The following UNC93A variants were observed in gnomAD, a reference collection of about 807,000 sequenced individuals.
UNC93A encodes unc-93 homolog A, also known as N-acetylglucosamine transporter UNC93A.
UNC93A carries 43 observed loss-of-function variants against 47.5 expected under a neutral mutation model. That is an observed-to-expected ratio of 0.91 (90% CI 0.71 to 1.17). The LOEUF is 1.17. Ranked by LOEUF, UNC93A falls within the 50% of genes most tolerant of loss-of-function variation. The pLI, the probability that UNC93A is intolerant of heterozygous loss-of-function variation, is 0.00. For missense variants in UNC93A, 605 were observed against 577.6 expected (o/e 1.05, Z -0.49); for synonymous variants, 280 against 258.0 (o/e 1.09, Z -0.82).
At chr6:167,292,261 C>G (rs949291374) in intron 1 of UNC93A, among the ~76,000 whole-genome samples, 1 of 152,150 alleles carries the variant, frequency 6.6e-6, no homozygotes, top group Non-Finnish European at 1.5e-5. Flanking sequence ...TGTTACTCCC[C>G]CGGCTTATTC....
Position 167,294,527 on chromosome 6 carries a change from A to C in UNC93A, c.98A>C (p.Tyr33Ser). The C allele has an allele frequency of 1.2e-6, 2 of 1,614,030 alleles. No homozygotes were observed. Among genetic ancestry groups the C allele is most frequent in the Non-Finnish European group, 1.7e-6 (2 of 1,179,984 alleles). ...GCTTTGTTCCCACAGAGCAGCCTGT[A>C]CAGCGAGGAGGGCCTGGGTGTCACA... ...GGLQSLQSSL[Y>S]SEEGLGVTAL... The change falls in exon 2 of 8, where the codon TAC (tyrosine) becomes TCC (serine). Residue 33 changes from tyrosine to serine, a missense_variant. Physicochemically the swap from Tyr to Ser is moderately radical, Grantham distance 144. Coordinates refer to ENST00000230256, the MANE Select transcript of UNC93A (RefSeq NM_018974.4).
At chr6:167,297,147 C>T (rs538527213) in intron 3 of UNC93A, among the ~76,000 whole-genome samples, 26 of 152,294 alleles carry the variant, frequency 1.7e-4, no homozygotes, top group Middle Eastern at 3.4e-3. Context: ...CTGCATATCA[C>T]GGCCAGTGAA....
Position 167,315,268 on chromosome 6 carries a change from T to C in UNC93A, c.1190T>C (p.Ile397Thr). ...CTGTGGGAGGCCCTGGGCTTCGTCA[T>C]TGCCTTCGGGTACAGCATGTTTTTG... ...YRLWEALGFVIAFGYSMFLCV... is the reference protein window; with the variant it reads ...YRLWEALGFVTAFGYSMFLCV... Residue 397 changes from isoleucine (I) to threonine (T), a missense_variant, in exon 8 of 8, where the codon ATT becomes ACT. Transcript: ENST00000230256. 1.2e-6 allele frequency: 2 copies of C among 1,613,744 alleles called. No homozygotes were observed. Among genetic ancestry groups the C allele is most frequent in the East Asian group, 2.2e-5 (1 of 44,840 alleles).
chr6:167,286,707 G>C (rs551188773), upstream of UNC93A, among the ~76,000 whole-genome samples: 310 of 152,284 alleles, frequency 2.0e-3, 4 homozygotes, highest in South Asian at 0.015. Flanking sequence ...GCCGGGTGCT[G>C]TGGCTCAAGT....
At chr6:167,306,183 C>A in intron 6 of UNC93A, 133 bp downstream of exon 6, 2 of 1,242,386 alleles carry the variant, frequency 1.6e-6, no homozygotes, top group Non-Finnish European at 1.1e-6. Context: ...CTGTAAGATG[C>A]ATTCATTCTT....
chr6:167,297,999 C>T lies in UNC93A; in HGVS notation c.554C>T (p.Ala185Val). 1 of 1,614,098 alleles carries T rather than the reference C, an allele frequency of 6.2e-7. No homozygotes were observed. The highest frequency in any genetic ancestry group is 8.5e-7 in the Non-Finnish European group (1 of 1,180,022). The part of the protein sequence containing the change: ...TSCGASDCLM[A>V]TTTTNSTQRP... ...TGTGGGGCCAGTGACTGCCTGATGG[C>T]CACCACAACCACCAACAGCACCCAG... The change falls in exon 4 of 8, where the codon GCC (alanine) becomes GTC (valine). Residue 185 changes from alanine (A) to valine (V), a missense_variant. Ala to Val is a moderately conservative substitution (Grantham distance 64). Transcript: ENST00000230256.
rs572344174 is a variant in UNC93A, at chr6:167,292,583, A to T, written c.87+1007A>T. 2.0e-5 allele frequency among the ~76,000 whole-genome samples: 3 copies of T among 152,274 alleles called. No homozygotes were observed. The East Asian group carries it at 5.8e-4, about 29-fold the overall frequency. ...GTTCTATTTCTGATCAGGCTTACAGAGGATAAAATGGCAGCCAACAGTGAC... is the reference window on the plus strand; with the variant it reads ...GTTCTATTTCTGATCAGGCTTACAGTGGATAAAATGGCAGCCAACAGTGAC... On this transcript the variant is annotated intron_variant, in intron 1 of 7. Coordinates refer to ENST00000230256, the MANE Select transcript of UNC93A (RefSeq NM_018974.4).
At chr6:167,282,206 G>A (rs1783645548) in intron 1 of UNC93A, among the ~76,000 whole-genome samples, 1 of 152,110 alleles carries the variant, frequency 6.6e-6, no homozygotes, top group African/African-American at 2.4e-5. Flanking sequence ...CAGCTGACCA[G>A]GAAACATTTT....
chr6:167,315,315 A>G lies in UNC93A; in HGVS notation c.1237A>G (p.Ile413Val), dbSNP rs1255914036. The change falls in exon 8 of 8, where the codon ATT becomes GTT. Residue 413 changes from isoleucine to valine, a missense_variant. Ile to Val is a conservative substitution (Grantham distance 29). Coordinates refer to ENST00000230256, the MANE Select transcript of UNC93A (RefSeq NM_018974.4). ...MFLCVHVKLYILLGVLSLTMV... is the reference protein window; with the variant it reads ...MFLCVHVKLYVLLGVLSLTMV... Reference sequence around the variant, plus strand: ...TTTGTGCGTGCACGTCAAGCTCTACATTCTGCTGGGGGTCCTGAGCCTGAC... The same window carrying G: ...TTTGTGCGTGCACGTCAAGCTCTACGTTCTGCTGGGGGTCCTGAGCCTGAC... 3.1e-6 allele frequency: 5 copies of G among 1,613,888 alleles called. No homozygotes were observed. The highest frequency in any genetic ancestry group is 1.3e-5 in the African/African-American group (1 of 74,984).
chr6:167,295,745 C>G (rs66559683), intron 2 of UNC93A, among the ~76,000 whole-genome samples: 9,703 of 122,372 alleles, frequency 0.079, 1,013 homozygotes, highest in East Asian at 0.22. Flanking sequence ...CTCCTCGCCT[C>G]CCTCGTGCTC....
At chr6:167,275,615 A>G (rs1382073257) in intron 1 of UNC93A, among the ~76,000 whole-genome samples, 1 of 152,236 alleles carries the variant, frequency 6.6e-6, no homozygotes, top group Non-Finnish European at 1.5e-5. Context: ...ACACCTGTGC[A>G]GCATCAGGCA....
chr6:167,291,544 T>G lies in UNC93A; in HGVS notation c.55T>G (p.Phe19Val). 6.2e-7 allele frequency: 1 copy of G among 1,613,796 alleles called. No individual in the cohort carries two copies. The highest frequency in any genetic ancestry group is 1.7e-4 in the Middle Eastern group (1 of 6,060). Residue 19 changes from phenylalanine (F) to valine (V), a missense_variant, in exon 1 of 8, where the codon TTT (phenylalanine) becomes GTT (valine). Physicochemically the swap from Phe to Val is conservative, Grantham distance 50. Transcript: ENST00000230256. ...LVVSFGFLLLFTAYGGLQSLQ... is the reference protein window; with the variant it reads ...LVVSFGFLLLVTAYGGLQSLQ... ...GGTTTCCTTTGGGTTCCTGCTTCTCTTTACAGCCTATGGAGGTCTGCAGAG... is the reference window on the plus strand; with the variant it reads ...GGTTTCCTTTGGGTTCCTGCTTCTCGTTACAGCCTATGGAGGTCTGCAGAG...
rs370480270 is a variant in UNC93A, at chr6:167,306,024, C to T, written c.950C>T (p.Thr317Met). Residue 317 changes from threonine (T) to methionine (M), a missense_variant, in exon 6 of 8, where the codon ACG becomes ATG. Coordinates refer to ENST00000230256, the MANE Select transcript of UNC93A (RefSeq NM_018974.4). ...TTGTATGGAAAGGTCTCGCAGTACA[C>T]GGGCAGGGCTGTGCTGTACGTGCTG... Reference protein sequence around the residue: ...SVLYGKVSQYTGRAVLYVLGA... With the variant: ...SVLYGKVSQYMGRAVLYVLGA... 5.1e-5 allele frequency: 82 copies of T among 1,614,080 alleles called. No individual in the cohort carries two copies. The highest frequency in any genetic ancestry group is 6.4e-5 in the Non-Finnish European group (75 of 1,180,044).
chr6:167,295,097 C>T (rs563029230), intron 2 of UNC93A, among the ~76,000 whole-genome samples: 19 of 152,184 alleles, frequency 1.2e-4, no homozygotes, highest in Non-Finnish European at 2.6e-4. Flanking sequence ...CCTCGCCCAC[C>T]ATTAGGAGGT....
chr6:167,285,538 G>A (rs1232585948), intron 1 of UNC93A, among the ~76,000 whole-genome samples: 3 of 151,740 alleles, frequency 2.0e-5, no homozygotes, highest in Non-Finnish European at 4.4e-5. Flanking sequence ...TGGGGCTGGC[G>A]GGGATGAGAG....
At chr6:167,270,478 A>G (rs1783434047), upstream of UNC93A, among the ~76,000 whole-genome samples, 1 of 152,004 alleles carries the variant, frequency 6.6e-6, no homozygotes, top group African/African-American at 2.4e-5. Context: ...CACGAAGGAC[A>G]TGGGGGGTTA....
chr6:167,272,403 A>T, intron 1 of UNC93A, among the ~76,000 whole-genome samples: 1 of 152,228 alleles, frequency 6.6e-6, no homozygotes, highest in East Asian at 1.9e-4. Context: ...GCTGAGCATT[A>T]GGCCTAGCAA....
intron 7 of UNC93A, among the ~76,000 whole-genome samples, 188 bp downstream of exon 7, chr6:167,308,098 T>C (rs1778453693): frequency 6.6e-6 from 1 of 152,170 alleles, no homozygotes; most frequent in Admixed American, 6.5e-5. Flanking sequence ...TTTATTCAGA[T>C]TCATGATGCA....
At chr6:167,298,163 A>T in intron 4 of UNC93A, 93 bp downstream of exon 4, 5 of 1,510,386 alleles carry the variant, frequency 3.3e-6, no homozygotes, top group Non-Finnish European at 4.4e-6. Flanking sequence ...CCAATGTAAA[A>T]GTAATCTCTC....
Sources: allele counts gnomAD v4.1 joint callset (sites outside exome capture counted in the v4.1 genomes callset), GRCh38; gene constraint gnomAD v4.1.1; transcripts MANE v1.5; gene names NCBI Gene and HGNC (gene_info 2026-07-23, HGNC 2026-07-21).